The following CLK2 variants were observed in gnomAD, a reference collection of about 807,000 sequenced individuals.
CLK2 encodes CDC like kinase 2, also known as dual specificity protein kinase CLK2.
A neutral mutation model predicts 73.5 loss-of-function variants in CLK2; 12 were observed. The ratio of observed to expected loss-of-function variants is 0.16; its 90% CI spans 0.10 to 0.26. CLK2 has a LOEUF of 0.26. Among genes scored for constraint, CLK2 ranks in the 10% least tolerant of loss-of-function variants. CLK2 has a pLI of 1.00. For missense variants in CLK2, 509 were observed against 688.4 expected (o/e 0.74, Z 2.92); for synonymous variants, 232 against 237.9 (o/e 0.98, Z 0.23).
Position 155,269,866 on chromosome 1 carries a change from C to T in CLK2, c.171-150G>A, listed in dbSNP as rs142820979. 324 of 713,334 alleles carry T rather than the reference C, an allele frequency of 4.5e-4. 1 individual carries two copies. Among genetic ancestry groups the T allele is most frequent in the African/African-American group, 4.2e-3 (239 of 57,164 alleles). 44.2% of individuals were successfully genotyped at this position (713,334 alleles called of 1,614,324 possible). ...TTGAGTCACTGAGAGGACCAAGGGA[C>T]CAGAGAAGTGAGGTAACAAGCACAT... is the stretch of plus-strand genomic sequence containing the variant. On this transcript the variant is annotated intron_variant, in intron 2 of 12. Transcript: ENST00000368361.
Position 155,263,076 on chromosome 1 carries a change from A to T in CLK2, c.*142T>A. 1 of 751,494 alleles carries T rather than the reference A, an allele frequency of 1.3e-6. No homozygotes were observed. The highest frequency in any genetic ancestry group is 1.8e-5 in the African/African-American group (1 of 56,744). The allele number at this position is 751,494 out of a possible 1,614,324, so 46.6% of individuals were successfully genotyped here. A position where few individuals can be genotyped will look rare whatever the true frequency, so the allele number is the denominator to read the frequency against. The stretch of plus-strand genomic sequence containing the variant: ...TAGGTACAAGTTCTTTCATATTTAC[A>T]CTATTTCACATATTCACAGGTATAT... On this transcript the variant is annotated 3_prime_UTR_variant, in exon 13 of 13. Coordinates refer to ENST00000368361, the MANE Select transcript of CLK2 (RefSeq NM_001294338.2).
chr1:155,271,941 C>T (rs1673528025), intron 1 of CLK2, among the ~76,000 whole-genome samples: 1 of 152,052 alleles, frequency 6.6e-6, no homozygotes. Context: ...ATGTAGTAGG[C>T]CACAAAATAC....
At position 155,266,817 on chromosome 1, in the gene CLK2, G is replaced by C; in HGVS notation, c.750C>G (p.Thr250=). Residue 250 remains threonine, a synonymous_variant, in exon 7 of 13, where the codon ACC becomes ACG. Transcript: ENST00000368361. ...CISFELLGLS[T]FDFLKDNNYL... is the part of the protein sequence containing the mutation. ...AGTTGTTGTCTTTGAGGAAATCGAA[G>C]GTGCTAAGGCCCAGAAGCTCAAAGG... 1.2e-6 allele frequency: 2 copies of C among 1,612,814 alleles called. No individual in the cohort carries two copies. The highest frequency in any genetic ancestry group is 1.7e-6 in the Non-Finnish European group (2 of 1,179,548).
chr1:155,270,970 T>C lies in CLK2; in HGVS notation c.8A>G (p.His3Arg). The change falls in exon 2 of 13, where the codon CAT (histidine) becomes CGT (arginine). Residue 3 changes from histidine to arginine, a missense_variant. Physicochemically the swap from His to Arg is conservative, Grantham distance 29 (BLOSUM62 0). Around this residue, in one of 6 missense-constraint regions of CLK2, gnomAD observed 222 missense variants for 221.7 expected, o/e 1.00. Transcript: ENST00000368361. Reference sequence around the variant, plus strand: ...CTCTGAGGAGTGGTACCTTCGAGGATGCGGCATCTGGAAGGCAAGGGAAAG... The same window carrying C: ...CTCTGAGGAGTGGTACCTTCGAGGACGCGGCATCTGGAAGGCAAGGGAAAG... MPHPRRYHSSERG... is the reference protein window; with the variant it reads MPRPRRYHSSERG... 6.2e-7 allele frequency: 1 copy of C among 1,608,546 alleles called. No individual in the cohort carries two copies. Among genetic ancestry groups the C allele is most frequent in the Non-Finnish European group, 8.5e-7 (1 of 1,175,306 alleles).
In CLK2 at chr1:155,263,934, C is replaced by A. The variant is rs764178434; in HGVS notation, c.1317+16G>T. 125 of 1,611,544 alleles carry A rather than the reference C, an allele frequency of 7.8e-5. No individual in the cohort carries two copies. The highest frequency in any genetic ancestry group is 1.1e-4 in the Non-Finnish European group (124 of 1,177,798). ...CTTCTGGACGGTGGGCACTATTTATCCCGAGCCCAGCTCACCCGCAGCGGT... is the reference window on the plus strand; with the variant it reads ...CTTCTGGACGGTGGGCACTATTTATACCGAGCCCAGCTCACCCGCAGCGGT... On this transcript the variant is annotated intron_variant, in intron 12 of 12. Coordinates refer to ENST00000368361, the MANE Select transcript of CLK2 (RefSeq NM_001294338.2).
intron 7 of CLK2, among the ~76,000 whole-genome samples, 165 bp from the exon 8 acceptor site, chr1:155,266,119 A>C (rs1673220311): frequency 6.6e-6 from 1 of 152,136 alleles, no homozygotes; most frequent in Non-Finnish European, 1.5e-5. Flanking sequence ...TGGTCTAAGA[A>C]GCTCTGCTCT....
chr1:155,272,016 GTT>G (rs34906309), intron 1 of CLK2, among the ~76,000 whole-genome samples: 9 of 137,078 alleles, frequency 6.6e-5, no homozygotes, highest in Admixed American at 1.5e-4. Flanking sequence ...TGTTTCTTGT[GTT>G]TTTTTTTTTT....
chr1:155,266,473 G>A lies in CLK2; in HGVS notation c.838+256C>T, dbSNP rs80034197. On this transcript the variant is annotated intron_variant, in intron 7 of 12. Coordinates refer to ENST00000368361, the MANE Select transcript of CLK2 (RefSeq NM_001294338.2). ...AAGAAAGGGAGAAAGGAAAAGGGGAGGGTAATTAAGTGCTTTGATTCCAAA... is the reference window on the plus strand; with the variant it reads ...AAGAAAGGGAGAAAGGAAAAGGGGAAGGTAATTAAGTGCTTTGATTCCAAA... Among the ~76,000 whole-genome samples, 717 of 152,326 alleles carry A rather than the reference G, an allele frequency of 4.7e-3. 5 individuals carry two copies. The highest frequency in any genetic ancestry group is 0.016 in the African/African-American group (673 of 41,564).
intron 2 of CLK2, among the ~76,000 whole-genome samples, chr1:155,270,274 G>A (rs1229384066): frequency 6.6e-6 from 1 of 152,128 alleles, no homozygotes; most frequent in East Asian, 1.9e-4. Context: ...GGGAGGCTGA[G>A]GCACAAGAAT....
In CLK2 at chr1:155,264,687, T is replaced by C. The variant is rs759670888; in HGVS notation, c.1021A>G (p.Ile341Val). 1.9e-6 allele frequency: 3 copies of C among 1,614,194 alleles called. No homozygotes were observed. Among genetic ancestry groups the C allele is most frequent in the Admixed American group, 3.3e-5 (2 of 60,022 alleles). The change falls in exon 9 of 13, where the codon ATT becomes GTT. Residue 341 changes from isoleucine to valine, a missense_variant. Around this residue, in one of 6 missense-constraint regions of CLK2, gnomAD observed 48 missense variants for 144.9 expected, o/e 0.33. Transcript: ENST00000368361. Reference protein sequence around the residue: ...ATFDHEHHSTIVSTRHYRAPE... With the variant: ...ATFDHEHHSTVVSTRHYRAPE... ...GCTCGGTAATGGCGAGTGGAGACAA[T>C]GGTGCTATGGTGCTCATGGTCAAAG...
intron 12 of CLK2, 84 bp downstream of exon 12, chr1:155,263,866 T>TGAA: frequency 7.0e-7 from 1 of 1,427,650 alleles, no homozygotes; most frequent in Non-Finnish European, 9.8e-7. Context: ...CCTCTGCTTG[T>TGAA]GAAGAGCATT....
chr1:155,269,775 C>A, intron 2 of CLK2, 59 bp from the exon 3 acceptor site: 1 of 1,490,720 alleles, frequency 6.7e-7, no homozygotes, highest in Non-Finnish European at 9.4e-7. Context: ...CCTACCATAC[C>A]CTGTGACAAG....
In CLK2 at chr1:155,263,217, G is replaced by A. The variant is rs1182244441; in HGVS notation, c.*1C>T. 5.0e-6 allele frequency: 8 copies of A among 1,612,116 alleles called. No individual in the cohort carries two copies. Among genetic ancestry groups the A allele is most frequent in the Middle Eastern group, 1.8e-4 (1 of 5,706 alleles). The stretch of plus-strand genomic sequence containing the variant: ...ATGCAGGGGGGCCCAGGGCCTGATC[G>A]TCACCGACTGATATCCCGACTGGAG... On this transcript the variant is annotated 3_prime_UTR_variant, in exon 13 of 13. Coordinates refer to ENST00000368361, the MANE Select transcript of CLK2 (RefSeq NM_001294338.2).
chr1:155,270,941 C>G lies in CLK2; in HGVS notation c.37G>C (p.Gly13Arg), dbSNP rs776026424. Residue 13 changes from glycine to arginine, a missense_variant, in exon 2 of 13, where the codon GGC becomes CGC. Around this residue, in one of 6 missense-constraint regions of CLK2, gnomAD observed 222 missense variants for 221.7 expected, o/e 1.00. Coordinates refer to ENST00000368361, the MANE Select transcript of CLK2 (RefSeq NM_001294338.2). ...TGTTCACGGTAACTCCCCCGGCTGCCTCGCTCTGAGGAGTGGTACCTTCGA... is the reference window on the plus strand; with the variant it reads ...TGTTCACGGTAACTCCCCCGGCTGCGTCGCTCTGAGGAGTGGTACCTTCGA... Reference protein sequence around the residue: ...HPRRYHSSERGSRGSYREHYR... With the variant: ...HPRRYHSSERRSRGSYREHYR... The G allele has an allele frequency of 8.7e-6, 14 of 1,614,168 alleles. No individual in the cohort carries two copies. The South Asian group carries it at 1.5e-4, about 18-fold the overall frequency.
At position 155,265,880 on chromosome 1, in the gene CLK2, G is replaced by A. The variant is rs546295338; in HGVS notation, c.913C>T (p.Leu305Phe). The part of the protein sequence containing the change: ...NILFVNSDYE[L>F]TYNLEKKRDE... Reference sequence around the variant, plus strand: ...CTTACCTTCTCTAGGTTGTAGGTGAGCTCATAGTCTGAATTCACAAACAGA... The same window carrying A: ...CTTACCTTCTCTAGGTTGTAGGTGAACTCATAGTCTGAATTCACAAACAGA... The change falls in exon 8 of 13, where the codon CTC becomes TTC. Residue 305 changes from leucine to phenylalanine, a missense_variant. Transcript: ENST00000368361. 1 of 1,609,824 alleles carries A rather than the reference G, an allele frequency of 6.2e-7. No individual in the cohort carries two copies. The highest frequency in any genetic ancestry group is 2.2e-5 in the East Asian group (1 of 44,864).
In CLK2 at chr1:155,268,613, G is replaced by C. The variant is rs1673340476; in HGVS notation, c.487+95C>G. ...CCACCCAGATAAACAACACCACTGA[G>C]AAAAGGCAAGAGGCTGTGACTCAGG... On this transcript the variant is annotated intron_variant, in intron 4 of 12. Coordinates refer to ENST00000368361, the MANE Select transcript of CLK2 (RefSeq NM_001294338.2). This position sits in a 1 kb window ranked among gnomAD's most constrained non-coding sequence, Gnocchi z 5.6. 8.3e-7 allele frequency: 1 copy of C among 1,197,974 alleles called. No individual in the cohort carries two copies. Among genetic ancestry groups the C allele is most frequent in the African/African-American group, 1.5e-5 (1 of 66,722 alleles). 74.2% of individuals were successfully genotyped at this position (1,197,974 alleles called of 1,614,324 possible). A position where few individuals can be genotyped will look rare whatever the true frequency, so the allele number is the denominator to read the frequency against.
At position 155,268,841 on chromosome 1, in the gene CLK2, G is replaced by A. The variant is rs1162319256; in HGVS notation, c.400-46C>T. 3 of 1,302,172 alleles carry A rather than the reference G, an allele frequency of 2.3e-6. No individual in the cohort carries two copies. In the South Asian group the frequency reaches 3.5e-5, roughly 15 times the overall value. The allele number at this position is 1,302,172 out of a possible 1,614,324, so 80.7% of individuals were successfully genotyped here. On this transcript the variant is annotated intron_variant, in intron 3 of 12. Transcript: ENST00000368361. The surrounding 1 kb of genome is among the most constrained non-coding windows in gnomAD (Gnocchi z 5.6). ...TCGGAGCAAGCCAGGTGTCGGAGCG[G>A]GGGCCGGAGGGAGGCGGGGTGGGTG...
chr1:155,263,656 TTCC>T, intron 12 of CLK2: 1 of 984,884 alleles, frequency 1.0e-6, no homozygotes, highest in South Asian at 4.7e-5. Flanking sequence ...TCTTCTTTAG[TTCC>T]TCATTAAAAT....
intron 8 of CLK2, 126 bp downstream of exon 8, chr1:155,265,734 T>C: frequency 1.3e-6 from 1 of 750,444 alleles, no homozygotes; most frequent in Non-Finnish European, 2.4e-6. Context: ...TTTTACCCAG[T>C]TGGAGCCAGA....
Sources: gnomAD v4.1 joint callset for allele counts (sites outside exome capture counted in the v4.1 genomes callset) on GRCh38, gnomAD v4.1.1 for gene constraint, gnomAD v4.1.1 regional missense constraint, Gnocchi (gnomAD v3.1) non-coding constraint, MANE v1.5 for transcripts, NCBI Gene and HGNC (gene_info 2026-07-23, HGNC 2026-07-21) for gene names.